CAMK1D: variants seen among roughly 807,000 people sequenced by gnomAD.
CAMK1D encodes calcium/calmodulin dependent protein kinase ID.
Under a neutral mutation model 47.7 loss-of-function variants are expected in CAMK1D, and 9 were observed. The ratio of observed to expected loss-of-function variants is 0.19; its 90% confidence interval spans 0.11 to 0.33. The LOEUF is 0.33. Ranked by LOEUF, CAMK1D falls within the 10% of genes least tolerant of loss-of-function variation. The pLI is 1.00. For missense variants in CAMK1D, 291 were observed against 488.7 expected (o/e 0.60, Z 3.81); for synonymous variants, 184 against 184.9 (o/e 0.99, Z 0.04).
intron 1 of CAMK1D, among the ~76,000 whole-genome samples, chr10:12,409,897 A>G (rs993393347): frequency 1.8e-4 from 28 of 151,854 alleles, no homozygotes; most frequent in Admixed American, 6.6e-5. Context: ...CCTTGAATCT[A>G]TTTTCTGTCT....
chr10:12,508,173 A>G (rs891533304), intron 1 of CAMK1D, among the ~76,000 whole-genome samples: 3 of 152,208 alleles, frequency 2.0e-5, no homozygotes, highest in Non-Finnish European at 4.4e-5. Flanking sequence ...TGTGCTATGT[A>G]TGTCCTTGGC....
At chr10:12,478,496 A>T (rs1461227672) in intron 1 of CAMK1D, among the ~76,000 whole-genome samples, 1 of 151,894 alleles carries the variant, frequency 6.6e-6, no homozygotes. Flanking sequence ...TTGTAGAGAC[A>T]GTGTCTCTTT....
intron 1 of CAMK1D, among the ~76,000 whole-genome samples, chr10:12,441,305 C>A (rs1401326066): frequency 6.6e-6 from 1 of 152,270 alleles, no homozygotes; most frequent in East Asian, 1.9e-4. Flanking sequence ...TGAAGTGATC[C>A]TTCTGCCTCA....
chr10:12,467,118 T>G (rs919303827), intron 1 of CAMK1D, among the ~76,000 whole-genome samples: 19 of 152,150 alleles, frequency 1.2e-4, no homozygotes, highest in African/African-American at 4.3e-4. Flanking sequence ...GAACGTGTAA[T>G]AAATATTGTG....
At chr10:12,368,234 T>C (rs1418795825) in intron 1 of CAMK1D, among the ~76,000 whole-genome samples, 1 of 151,442 alleles carries the variant, frequency 6.6e-6, no homozygotes, top group Non-Finnish European at 1.5e-5. Flanking sequence ...ATGTTTATTG[T>C]CCGGGCACAG....
intron 1 of CAMK1D, among the ~76,000 whole-genome samples, chr10:12,478,259 C>T (rs528731854): frequency 1.6e-3 from 239 of 152,046 alleles, no homozygotes; most frequent in Non-Finnish European, 2.8e-3. Flanking sequence ...CCACCTGCCT[C>T]GGCCTCCCAA....
chr10:12,436,377 C>T (rs1001494441), intron 1 of CAMK1D, among the ~76,000 whole-genome samples: 13 of 152,312 alleles, frequency 8.5e-5, no homozygotes, highest in East Asian at 3.9e-4. Flanking sequence ...CCCTCAGCCT[C>T]GCTGGATGAA....
At chr10:12,769,936 G>C in intron 5 of CAMK1D, 137 bp downstream of exon 5, 1 of 905,628 alleles carries the variant, frequency 1.1e-6, no homozygotes, top group Non-Finnish European at 1.7e-6. Context: ...ACTTCCCCTG[G>C]GGGAAAGAAT....
intron 1 of CAMK1D, among the ~76,000 whole-genome samples, chr10:12,533,884 G>A (rs1161950439): frequency 6.6e-6 from 1 of 152,172 alleles, no homozygotes; most frequent in Non-Finnish European, 1.5e-5. Flanking sequence ...CCATTAGAAA[G>A]AAACGTCATC....
chr10:12,687,360 A>G, intron 3 of CAMK1D, among the ~76,000 whole-genome samples: 1 of 152,028 alleles, frequency 6.6e-6, no homozygotes, highest in East Asian at 1.9e-4. Context: ...CATGTGCCAG[A>G]AATTTTTTAC....
intron 1 of CAMK1D, among the ~76,000 whole-genome samples, chr10:12,486,674 C>T (rs996734455): frequency 1.3e-5 from 2 of 152,186 alleles, no homozygotes; most frequent in African/African-American, 4.8e-5. Context: ...TATAAAAAGG[C>T]AGCAATGAAG....
chr10:12,393,742 G>C (rs1838832791), intron 1 of CAMK1D, among the ~76,000 whole-genome samples: 1 of 152,214 alleles, frequency 6.6e-6, no homozygotes, highest in Non-Finnish European at 1.5e-5. Context: ...GAAGTGTCCT[G>C]CTCTGAAGGT....
At chr10:12,444,550 A>T (rs1191666549) in intron 1 of CAMK1D, among the ~76,000 whole-genome samples, 2 of 152,172 alleles carry the variant, frequency 1.3e-5, no homozygotes, top group Non-Finnish European at 2.9e-5. Flanking sequence ...TTTTAGAGGG[A>T]CAGAAGTTAG....
At chr10:12,607,231 C>G (rs1838489693) in intron 2 of CAMK1D, among the ~76,000 whole-genome samples, 1 of 152,198 alleles carries the variant, frequency 6.6e-6, no homozygotes, top group African/African-American at 2.4e-5. Context: ...TTCCGGCCTC[C>G]CTCCCTTTCT....
At chr10:12,493,527 T>TCTGTCACCC (rs1427027474) in intron 1 of CAMK1D, among the ~76,000 whole-genome samples, 1 of 152,196 alleles carries the variant, frequency 6.6e-6, no homozygotes, top group Non-Finnish European at 1.5e-5. Flanking sequence ...AGAGTCTCTC[T>TCTGTCACCC]CTGTCACCCG....
At chr10:12,495,279 C>G (rs1450853112) in intron 1 of CAMK1D, among the ~76,000 whole-genome samples, 1 of 152,182 alleles carries the variant, frequency 6.6e-6, no homozygotes. Flanking sequence ...AAAAAACTTT[C>G]AGATTCAGGC....
intron 3 of CAMK1D, among the ~76,000 whole-genome samples, chr10:12,667,484 G>T (rs1265702863): frequency 6.6e-6 from 1 of 152,110 alleles, no homozygotes; most frequent in Non-Finnish European, 1.5e-5. Context: ...GCTGAAATTA[G>T]CCTCCCTGCC....
At position 12,449,942 on chromosome 10, in the gene CAMK1D, G is replaced by A. The variant is rs1391102061; in HGVS notation, c.92+100032G>A. ...TGACTTGGGAGGCAGAGGTTGCAGT[G>A]AGCCGAGATTACACCACTGTACTCC... On this transcript the variant is annotated intron_variant, in intron 1 of 10. Coordinates refer to ENST00000619168, the MANE Select transcript of CAMK1D (RefSeq NM_153498.4). Among the ~76,000 whole-genome samples, 4 of 152,094 alleles carry A rather than the reference G, an allele frequency of 2.6e-5. No homozygotes were observed. The East Asian group carries it at 7.7e-4, about 29-fold the overall frequency.
chr10:12,823,733 T>C (rs1239808229), intron 8 of CAMK1D, among the ~76,000 whole-genome samples: 1 of 151,946 alleles, frequency 6.6e-6, no homozygotes, highest in Non-Finnish European at 1.5e-5. Flanking sequence ...CTCAGGTGAA[T>C]GCAGGGTGGA....
Sources: gnomAD v4.1 joint callset for allele counts (sites outside exome capture counted in the v4.1 genomes callset) on GRCh38, gnomAD v4.1.1 for gene constraint, MANE v1.5 for transcripts, NCBI Gene and HGNC (gene_info 2026-07-23, HGNC 2026-07-21) for gene names.